Variants in CERS6 observed in about 807,000 individuals in gnomAD.
CERS6 encodes ceramide synthase 6, also known as LAG1 homolog, ceramide synthase 6.
Under a neutral mutation model 56.8 loss-of-function variants are expected in CERS6, and 26 were observed. The observed-to-expected ratio is 0.46, with a 90% CI of 0.34 to 0.63. The LOEUF (loss-of-function observed/expected upper bound fraction) is 0.63. CERS6 is among the 30% of genes least tolerant of loss of function. The pLI is 0.01. For synonymous variants in CERS6, 164 were observed against 173.3 expected (o/e 0.95, Z 0.42); for missense variants, 415 against 467.5 (o/e 0.89, Z 1.04).
intron 3 of CERS6, among the ~76,000 whole-genome samples, chr2:168,598,787 G>A (rs1013057559): frequency 6.6e-6 from 1 of 152,088 alleles, no homozygotes; most frequent in African/African-American, 2.4e-5. Flanking sequence ...AAATATTGCG[G>A]TGATACAACA....
chr2:168,703,813 G>T (rs140253213), intron 6 of CERS6, among the ~76,000 whole-genome samples: 6 of 152,084 alleles, frequency 3.9e-5, no homozygotes, highest in African/African-American at 1.4e-4. Context: ...GATTGGAATT[G>T]CAATATTCTG....
chr2:168,552,367 CACACACACACACACACACACACACT>C (rs1206773000), intron 2 of CERS6, among the ~76,000 whole-genome samples: 7 of 119,202 alleles, frequency 5.9e-5, no homozygotes, highest in African/African-American at 2.0e-4. Context: ...CACACACACA[CACACACACACACACACACACACACT>C]ACACACACAA....
At chr2:168,667,124 C>T (rs1206419151) in intron 4 of CERS6, among the ~76,000 whole-genome samples, 1 of 152,062 alleles carries the variant, frequency 6.6e-6, no homozygotes, top group Non-Finnish European at 1.5e-5. Context: ...TTTTTCTTTT[C>T]ATTATAAATT....
intron 1 of CERS6, among the ~76,000 whole-genome samples, chr2:168,458,569 C>G (rs1693719596): frequency 1.3e-5 from 2 of 152,112 alleles, no homozygotes; most frequent in African/African-American, 4.8e-5. Flanking sequence ...GAGGGGTGAG[C>G]TGCTTTCAAT....
At chr2:168,515,719 G>C (rs1694873273) in intron 1 of CERS6, among the ~76,000 whole-genome samples, 1 of 152,208 alleles carries the variant, frequency 6.6e-6, no homozygotes, top group Admixed American at 6.5e-5. Flanking sequence ...GGATCAGTGG[G>C]TTCCAACTTG....
intron 4 of CERS6, among the ~76,000 whole-genome samples, chr2:168,690,484 T>TA (rs1686470767): frequency 6.6e-6 from 1 of 152,132 alleles, no homozygotes; most frequent in South Asian, 2.1e-4. Context: ...TGTTTTGTCA[T>TA]AAAAAGACCT....
intron 8 of CERS6, among the ~76,000 whole-genome samples, chr2:168,718,422 C>T (rs1411312205): frequency 1.3e-5 from 2 of 152,198 alleles, no homozygotes; most frequent in African/African-American, 4.8e-5. Flanking sequence ...GGCCCCACCC[C>T]AGGCCCACTG....
At chr2:168,722,442 T>C (rs1281898639) in intron 8 of CERS6, among the ~76,000 whole-genome samples, 1 of 152,162 alleles carries the variant, frequency 6.6e-6, no homozygotes, top group East Asian at 1.9e-4. Context: ...ATGCTGTGTT[T>C]TGGGGTGATT....
intron 6 of CERS6, 118 bp downstream of exon 6, chr2:168,695,169 C>T (rs1326099184): frequency 1.0e-5 from 7 of 696,976 alleles, no homozygotes; most frequent in Middle Eastern, 2.4e-4. Context: ...TAGGTTAGTA[C>T]GACTTGCTGC....
chr2:168,708,269 A>G (rs1687007428), intron 6 of CERS6, among the ~76,000 whole-genome samples: 1 of 152,140 alleles, frequency 6.6e-6, no homozygotes, highest in African/African-American at 2.4e-5. Flanking sequence ...TCTCTTTTGC[A>G]TGTTGCCAAG....
intron 8 of CERS6, among the ~76,000 whole-genome samples, chr2:168,726,603 C>T (rs1253807592): frequency 6.6e-6 from 1 of 152,124 alleles, no homozygotes; most frequent in African/African-American, 2.4e-5. Flanking sequence ...TGTCTGAAGA[C>T]CAGATGTGTG....
At chr2:168,705,719 G>A (rs1321446362) in intron 6 of CERS6, among the ~76,000 whole-genome samples, 2 of 152,090 alleles carry the variant, frequency 1.3e-5, no homozygotes, top group Non-Finnish European at 2.9e-5. Flanking sequence ...TTGAGTCCTG[G>A]GATGTTTCTG....
intron 3 of CERS6, among the ~76,000 whole-genome samples, chr2:168,621,508 T>C (rs1002666): frequency 0.3 from 46,037 of 152,064 alleles, 7,866 homozygotes; most frequent in African/African-American, 0.46. Flanking sequence ...AGGTATTTTA[T>C]AGGCAGAATT....
At chr2:168,601,145 A>G (rs1683923693) in intron 3 of CERS6, among the ~76,000 whole-genome samples, 1 of 152,182 alleles carries the variant, frequency 6.6e-6, no homozygotes, top group African/African-American at 2.4e-5. Flanking sequence ...GATGTGCACC[A>G]TTTCACAAAA....
rs1559033928 is a variant in CERS6 at position 168,645,089 on chromosome 2, T to TAAA, written c.465+14047_465+14048insAAA. ...CTGGGTGACAGAGCGAGACTGCATCTTAAAAAAAAAAAAAAAAAAAAAAAA... is the reference window on the plus strand; with the variant it reads ...CTGGGTGACAGAGCGAGACTGCATCTAAATAAAAAAAAAAAAAAAAAAAAAAAA... On this transcript the variant is annotated intron_variant, in intron 4 of 9. Transcript: ENST00000305747. 7.8e-3 allele frequency among the ~76,000 whole-genome samples: 80 copies of TAAA among 10,322 alleles called. 33 individuals are homozygous for TAAA. The highest frequency in any genetic ancestry group is 0.016 in the Non-Finnish European group (68 of 4,288). The allele number at this position is 10,322 out of a possible 152,430, so 6.8% of individuals were successfully genotyped here. A position where few individuals can be genotyped will look rare whatever the true frequency, so the allele number is the denominator to read the frequency against.
At chr2:168,766,160 G>T (rs1364123294) in intron 9 of CERS6, among the ~76,000 whole-genome samples, 1 of 152,114 alleles carries the variant, frequency 6.6e-6, no homozygotes, top group African/African-American at 2.4e-5. Flanking sequence ...CTTCCAACAA[G>T]ATTTAGTTAA....
At chr2:168,477,213 GA>G (rs1371742587) in intron 1 of CERS6, among the ~76,000 whole-genome samples, 1 of 144,068 alleles carries the variant, frequency 6.9e-6, no homozygotes, top group Non-Finnish European at 1.5e-5. Context: ...GAGAGAGAGA[GA>G]GAGAGTCTCA....
chr2:168,748,290 G>A (rs1361481811), intron 8 of CERS6, among the ~76,000 whole-genome samples: 1 of 152,130 alleles, frequency 6.6e-6, no homozygotes, highest in African/African-American at 2.4e-5. Context: ...AGGGACTATG[G>A]AAATAAGTAA....
chr2:168,599,145 G>A (rs1373345669), intron 3 of CERS6, among the ~76,000 whole-genome samples: 1 of 152,156 alleles, frequency 6.6e-6, no homozygotes, highest in Admixed American at 6.5e-5. Context: ...TGCTTTGAAA[G>A]GTTAAGCAAA....
Sources: allele counts gnomAD v4.1 joint callset (sites outside exome capture counted in the v4.1 genomes callset), GRCh38; gene constraint gnomAD v4.1.1; transcripts MANE v1.5; gene names NCBI Gene and HGNC (gene_info 2026-07-23, HGNC 2026-07-21).